Variants in RPS6KC1 observed in about 807,000 individuals in gnomAD.
RPS6KC1 encodes inactive ribosomal protein S6 kinase delta-1.
In RPS6KC1, 54 loss-of-function variants were observed where a neutral mutation model predicts 103.8. The ratio of observed to expected loss-of-function variants is 0.52; its 90% CI spans 0.42 to 0.65. The LOEUF (loss-of-function observed/expected upper bound fraction) is 0.65. Among genes scored for constraint, RPS6KC1 ranks in the 30% least tolerant of loss-of-function variants. The pLI is 0.00. For synonymous variants in RPS6KC1, 439 were observed against 438.7 expected, an observed-to-expected ratio of 1.00 and a Z score of -0.01; for missense variants, 1,151 against 1,253.8, an observed-to-expected ratio of 0.92 and a Z score of 1.24.
intron 8 of RPS6KC1, among the ~76,000 whole-genome samples, chr1:213,205,779 T>G (rs1049733495): frequency 6.6e-6 from 1 of 151,812 alleles, no homozygotes; most frequent in African/African-American, 2.4e-5. Context: ...AATGTATATA[T>G]TATTTAAAGT....
At chr1:213,210,555 T>C (rs1282362241) in intron 8 of RPS6KC1, among the ~76,000 whole-genome samples, 1 of 152,244 alleles carries the variant, frequency 6.6e-6, no homozygotes, top group African/African-American at 2.4e-5. Flanking sequence ...GTCGATGAAC[T>C]TGTCAATTTG....
At chr1:213,764,256 A>C in the RPS6KC1 span, among the ~76,000 whole-genome samples, 1 of 152,164 alleles carries the variant, frequency 6.6e-6, no homozygotes, top group Non-Finnish European at 1.5e-5. Flanking sequence ...GGGGAAAGGG[A>C]TCTTTCTTAG....
At chr1:213,737,874 G>A in the RPS6KC1 span, among the ~76,000 whole-genome samples, 1 of 152,338 alleles carries the variant, frequency 6.6e-6, no homozygotes, top group East Asian at 1.9e-4. Context: ...TACAGTCTAG[G>A]TTGGCTGATA....
the RPS6KC1 span, among the ~76,000 whole-genome samples, chr1:213,361,485 C>A: frequency 3.3e-5 from 5 of 152,230 alleles, no homozygotes; most frequent in Admixed American, 3.3e-4. Flanking sequence ...AAAGGGAATT[C>A]CCTGACCCCT....
intron 3 of RPS6KC1, among the ~76,000 whole-genome samples, chr1:213,101,965 G>T (rs901053180): frequency 6.6e-6 from 1 of 152,082 alleles, no homozygotes; most frequent in Non-Finnish European, 1.5e-5. Context: ...ACCTATTGGG[G>T]TTCTTGCAGA....
Position 213,168,630 on chromosome 1 carries a change from CT to C in RPS6KC1, c.951+667del, listed in dbSNP as rs1187082889. Among the ~76,000 whole-genome samples, 18 of 148,496 alleles carry C rather than the reference CT, an allele frequency of 1.2e-4. No homozygotes were observed. The East Asian group carries it at 1.6e-3, about 13-fold the overall frequency. On this transcript the variant is annotated intron_variant, in intron 7 of 14. Transcript: ENST00000366960. Reference sequence around the variant, plus strand: ...GAAAGGGTTTAGTTTCTTTTCTTTTCTTTTTTTTTTGAAACGGAGTCTCACT... The same window carrying C: ...GAAAGGGTTTAGTTTCTTTTCTTTTCTTTTTTTTTGAAACGGAGTCTCACT...
the RPS6KC1 span, among the ~76,000 whole-genome samples, chr1:213,423,274 A>T: frequency 1.3e-5 from 2 of 152,230 alleles, no homozygotes. Context: ...CCAGGATGAG[A>T]GAGAAATGCG....
the RPS6KC1 span, among the ~76,000 whole-genome samples, chr1:213,806,326 C>T: frequency 6.6e-5 from 10 of 151,750 alleles, no homozygotes; most frequent in East Asian, 5.8e-4. Context: ...AGCGAGACTC[C>T]GTCTCAAAAT....
At chr1:213,632,074 C>T in the RPS6KC1 span, among the ~76,000 whole-genome samples, 3 of 152,104 alleles carry the variant, frequency 2.0e-5, no homozygotes, top group South Asian at 2.1e-4. Flanking sequence ...AGACTTGTTC[C>T]ATAATATCAA....
At chr1:213,272,189 A>G (rs1438589720) in intron 14 of RPS6KC1, among the ~76,000 whole-genome samples, 1 of 152,212 alleles carries the variant, frequency 6.6e-6, no homozygotes, top group Non-Finnish European at 1.5e-5. Context: ...ATCTAGTGCA[A>G]TATCTAATTA....
chr1:213,815,609 C>A, the RPS6KC1 span, among the ~76,000 whole-genome samples: 1 of 152,270 alleles, frequency 6.6e-6, no homozygotes, highest in South Asian at 2.1e-4. Flanking sequence ...TGCAATAAAG[C>A]AAATGTCATA....
chr1:213,713,593 C>T, the RPS6KC1 span, among the ~76,000 whole-genome samples: 3 of 152,134 alleles, frequency 2.0e-5, no homozygotes, highest in Admixed American at 2.0e-4. Context: ...GAATTAGGTC[C>T]CTGTGGGTGG....
chr1:213,859,126 G>A, the RPS6KC1 span, among the ~76,000 whole-genome samples: 568 of 152,262 alleles, frequency 3.7e-3, 3 homozygotes, highest in Non-Finnish European at 6.1e-3. Flanking sequence ...TGAAATTTCA[G>A]ATCCACAGGC....
chr1:213,798,076 C>G, the RPS6KC1 span, among the ~76,000 whole-genome samples: 2 of 152,192 alleles, frequency 1.3e-5, no homozygotes. Flanking sequence ...ATGCCTGAAA[C>G]TCTGTGCTGG....
chr1:213,478,250 C>T, the RPS6KC1 span, among the ~76,000 whole-genome samples: 3 of 152,070 alleles, frequency 2.0e-5, no homozygotes, highest in African/African-American at 7.2e-5. Flanking sequence ...CACACTTTAT[C>T]CATTCACTGA....
chr1:213,739,647 A>T, the RPS6KC1 span, among the ~76,000 whole-genome samples: 3 of 152,022 alleles, frequency 2.0e-5, no homozygotes, highest in Non-Finnish European at 1.5e-5. Flanking sequence ...ACCTTTTAGA[A>T]AAAAGCAGAA....
chr1:213,614,270 G>A, the RPS6KC1 span, among the ~76,000 whole-genome samples: 1 of 152,208 alleles, frequency 6.6e-6, no homozygotes, highest in South Asian at 2.1e-4. Context: ...ATGGATGTGA[G>A]GAGACCTAGA....
chr1:213,782,031 C>T, the RPS6KC1 span, among the ~76,000 whole-genome samples: 1 of 152,134 alleles, frequency 6.6e-6, no homozygotes, highest in Non-Finnish European at 1.5e-5. Flanking sequence ...CGAGGAGTGC[C>T]TTATCAAGAT....
chr1:213,216,437 G>C (rs7528736), intron 8 of RPS6KC1, among the ~76,000 whole-genome samples: 11,301 of 151,024 alleles, frequency 0.075, 444 homozygotes, highest in Middle Eastern at 0.1. Flanking sequence ...CTTTAACACC[G>C]CACTGTCAAC....
Sources: allele counts gnomAD v4.1 joint callset (sites outside exome capture counted in the v4.1 genomes callset), GRCh38; gene constraint gnomAD v4.1.1; transcripts MANE v1.5; gene names NCBI Gene and HGNC (gene_info 2026-07-23, HGNC 2026-07-21).